Variants in HPSE2 observed in about 807,000 individuals in gnomAD.
The protein encoded by HPSE2 is inactive heparanase-2.
Under a neutral mutation model 60.5 loss-of-function variants are expected in HPSE2, and 38 were observed. The ratio of observed to expected loss-of-function variants is 0.63; its 90% CI spans 0.48 to 0.82. The LOEUF (loss-of-function observed/expected upper bound fraction) is 0.82. Ranked by LOEUF, HPSE2 falls within the 40% of genes least tolerant of loss-of-function variation. The pLI, the probability that HPSE2 is intolerant of heterozygous loss-of-function variation, is 0.00. For missense variants in HPSE2, 713 were observed against 740.4 expected (o/e 0.96, Z 0.43); for synonymous variants, 295 against 293.2 (o/e 1.01, Z -0.06).
intron 3 of HPSE2, among the ~76,000 whole-genome samples, chr10:98,909,329 A>G (rs1011415783): frequency 5.3e-5 from 8 of 152,266 alleles, no homozygotes; most frequent in Admixed American, 2.6e-4. Context: ...CTGGTATTCA[A>G]AAAAGTTTTT....
intron 3 of HPSE2, among the ~76,000 whole-genome samples, chr10:99,118,755 G>A (rs1382564313): frequency 6.6e-6 from 1 of 151,976 alleles, no homozygotes; most frequent in African/African-American, 2.4e-5. Context: ...GGTGGCTCAC[G>A]CCTGTAATCT....
At chr10:98,724,455 C>G (rs375735285) in intron 4 of HPSE2, among the ~76,000 whole-genome samples, 28 of 152,056 alleles carry the variant, frequency 1.8e-4, no homozygotes, top group African/African-American at 5.1e-4. Context: ...ATTTGGGGTG[C>G]AGAGTTCTGT....
intron 9 of HPSE2, among the ~76,000 whole-genome samples, chr10:98,568,615 G>C (rs920633336): frequency 6.6e-6 from 1 of 152,212 alleles, no homozygotes; most frequent in Non-Finnish European, 1.5e-5. Flanking sequence ...TTGAAACCCT[G>C]GTTGACTTCT....
chr10:98,504,581 T>C (rs1942134478), intron 9 of HPSE2, among the ~76,000 whole-genome samples: 1 of 152,078 alleles, frequency 6.6e-6, no homozygotes. Flanking sequence ...GGTCAGGAGA[T>C]CAAGACCACC....
chr10:99,189,459 G>GAGGAC (rs1848144146), intron 2 of HPSE2, among the ~76,000 whole-genome samples: 1 of 152,208 alleles, frequency 6.6e-6, no homozygotes. Context: ...GAGGAGAGGA[G>GAGGAC]AGGGCCTCAA....
Position 98,962,165 on chromosome 10 carries a change from G to C in HPSE2, c.610+182073C>G, listed in dbSNP as rs1955694156. Among the ~76,000 whole-genome samples the C allele has an allele frequency of 5.5e-5, 3 of 54,256 alleles. No homozygotes were observed. The Admixed American group carries it at 6.5e-4, about 12-fold the overall frequency. The allele number at this position is 54,256 out of a possible 152,430, so 35.6% of individuals were successfully genotyped here. A position where few individuals can be genotyped will look rare whatever the true frequency, so the allele number is the denominator to read the frequency against. On this transcript the variant is annotated intron_variant, in intron 3 of 11. Coordinates refer to ENST00000370552, the MANE Select transcript of HPSE2 (RefSeq NM_021828.5). ...CTGTAGCCTTGTAGTATAGTTTGAAGTCAGGTAGTGTGATGCCTCCAGCTT... is the reference window on the plus strand; with the variant it reads ...CTGTAGCCTTGTAGTATAGTTTGAACTCAGGTAGTGTGATGCCTCCAGCTT...
intron 3 of HPSE2, among the ~76,000 whole-genome samples, chr10:98,789,479 A>T (rs528870954): frequency 4.6e-5 from 7 of 152,370 alleles, no homozygotes; most frequent in Admixed American, 4.6e-4. Context: ...TCAAATTGCA[A>T]TGCAGGCTGG....
chr10:99,300,776 C>A, the HPSE2 span, among the ~76,000 whole-genome samples: 3 of 152,176 alleles, frequency 2.0e-5, no homozygotes, highest in African/African-American at 7.2e-5. Flanking sequence ...AAGTTCCCAG[C>A]AGAGCTGTTA....
chr10:99,173,793 A>T (rs548615151), intron 2 of HPSE2, among the ~76,000 whole-genome samples: 1 of 152,174 alleles, frequency 6.6e-6, no homozygotes, highest in South Asian at 2.1e-4. Flanking sequence ...AAGTACAAAA[A>T]TTAGCCAGGC....
chr10:99,292,369 C>G, the HPSE2 span, among the ~76,000 whole-genome samples: 3 of 152,256 alleles, frequency 2.0e-5, no homozygotes, highest in Non-Finnish European at 4.4e-5. Flanking sequence ...GAAGGAAGTA[C>G]TCAAAACATT....
intron 3 of HPSE2, among the ~76,000 whole-genome samples, chr10:98,980,286 G>GT: frequency 6.6e-6 from 1 of 152,180 alleles, no homozygotes; most frequent in Middle Eastern, 3.4e-3. Context: ...ATTTAATAAT[G>GT]TTAATAAAGT....
At chr10:98,984,146 G>A (rs1216031575) in intron 3 of HPSE2, among the ~76,000 whole-genome samples, 1 of 152,158 alleles carries the variant, frequency 6.6e-6, no homozygotes, top group Non-Finnish European at 1.5e-5. Context: ...AGAGAGTAGT[G>A]GTTCTCTCAG....
At chr10:98,915,064 G>A (rs771368915) in intron 3 of HPSE2, among the ~76,000 whole-genome samples, 3 of 149,640 alleles carry the variant, frequency 2.0e-5, no homozygotes, top group Non-Finnish European at 4.4e-5. Flanking sequence ...TGTCTTTGAT[G>A]ATATAATTAT....
At chr10:99,242,830 G>C in the HPSE2 span, among the ~76,000 whole-genome samples, 1 of 152,142 alleles carries the variant, frequency 6.6e-6, no homozygotes. Context: ...CAAATGTGTT[G>C]TGAGAATTAA....
In HPSE2 at chr10:99,132,213, GAGAGAGAGAGAGAGAGAGAGAGAGA is replaced by G. The variant is rs1845451993; in HGVS notation, c.610+12000_610+12024del. On this transcript the variant is annotated intron_variant, in intron 3 of 11. Transcript: ENST00000370552. ...AGAAAGAGAGAGAGAGAGAGAGAGA[GAGAGAGAGAGAGAGAGAGAGAGAGA>G]GAGAGAAAGAAAGAAAGAAAGAAAG... Among the ~76,000 whole-genome samples, 4 of 21,482 alleles carry G rather than the reference GAGAGAGAGAGAGAGAGAGAGAGAGA, an allele frequency of 1.9e-4. 1 individual carries two copies. Among genetic ancestry groups the G allele is most frequent in the Admixed American group, 1.3e-3 (2 of 1,562 alleles). 14.1% of individuals were successfully genotyped at this position (21,482 alleles called of 152,430 possible).
chr10:98,904,878 A>G (rs1953765582), intron 3 of HPSE2, among the ~76,000 whole-genome samples: 1 of 152,246 alleles, frequency 6.6e-6, no homozygotes, highest in South Asian at 2.1e-4. Flanking sequence ...ATCTGAAATG[A>G]CATACTCAGT....
intron 3 of HPSE2, among the ~76,000 whole-genome samples, chr10:99,028,581 T>G (rs1957429241): frequency 6.6e-6 from 1 of 152,176 alleles, no homozygotes. Flanking sequence ...ATAGATTCTA[T>G]GCAATCCCTA....
At chr10:99,168,825 T>C (rs1847186266) in intron 2 of HPSE2, among the ~76,000 whole-genome samples, 2 of 152,336 alleles carry the variant, frequency 1.3e-5, no homozygotes, top group Middle Eastern at 3.4e-3. Context: ...TGCTGTAATA[T>C]TTCACCATTA....
chr10:99,226,607 A>C (rs1271293262), intron 2 of HPSE2, among the ~76,000 whole-genome samples: 1 of 152,050 alleles, frequency 6.6e-6, no homozygotes, highest in Non-Finnish European at 1.5e-5. Context: ...AGTCATTGAT[A>C]AAATGATATC....
Sources: allele counts gnomAD v4.1 joint callset (sites outside exome capture counted in the v4.1 genomes callset), GRCh38; gene constraint gnomAD v4.1.1; transcripts MANE v1.5; gene names NCBI Gene and HGNC (gene_info 2026-07-23, HGNC 2026-07-21).